ERI3: variants seen among roughly 807,000 people sequenced by gnomAD.
ERI3 encodes the protein ERI1 exoribonuclease 3.
ERI3 carries 18 observed loss-of-function variants against 44.4 expected under a neutral mutation model. That is an observed-to-expected ratio of 0.41 (90% CI 0.28 to 0.60). ERI3 has a LOEUF of 0.60. Ranked by LOEUF, ERI3 falls within the 20% of genes least tolerant of loss-of-function variation. The pLI is 0.36. For missense variants in ERI3, 294 were observed against 435.5 expected (o/e 0.68, Z 2.89); for synonymous variants, 183 against 164.8 (o/e 1.11, Z -0.84).
intron 8 of ERI3, among the ~76,000 whole-genome samples, chr1:44,227,470 C>A (rs567479122): frequency 1.3e-5 from 2 of 152,160 alleles, no homozygotes; most frequent in Admixed American, 6.5e-5. Flanking sequence ...GCCCTGAGAG[C>A]AAAGTGCCAG....
At chr1:44,312,966 G>C (rs957064029) in intron 5 of ERI3, among the ~76,000 whole-genome samples, 1 of 152,224 alleles carries the variant, frequency 6.6e-6, no homozygotes, top group Non-Finnish European at 1.5e-5. Context: ...GGGACATCTT[G>C]TCAGAAACCC....
intron 5 of ERI3, among the ~76,000 whole-genome samples, chr1:44,310,821 A>C (rs751932371): frequency 1.6e-4 from 25 of 151,938 alleles, no homozygotes; most frequent in Non-Finnish European, 2.9e-4. Context: ...GTGGTCTCTA[A>C]ACCCTCTTTA....
At chr1:44,268,908 A>G (rs1304736274) in intron 7 of ERI3, among the ~76,000 whole-genome samples, 1 of 152,212 alleles carries the variant, frequency 6.6e-6, no homozygotes, top group Non-Finnish European at 1.5e-5. Flanking sequence ...TGAAGCCCAA[A>G]GCCTAAAAGC....
chr1:44,307,385 C>G (rs138956536), intron 6 of ERI3, among the ~76,000 whole-genome samples: 213 of 152,202 alleles, frequency 1.4e-3, no homozygotes, highest in African/African-American at 4.8e-3. Flanking sequence ...AGCAACATCC[C>G]ACTTTATGCT....
intron 8 of ERI3, among the ~76,000 whole-genome samples, chr1:44,234,728 A>T (rs531921429): frequency 1.9e-4 from 29 of 152,230 alleles, no homozygotes; most frequent in African/African-American, 6.7e-4. Context: ...AAGAACATTA[A>T]TGGAAACACT....
At chr1:44,313,493 C>T (rs757120874) in intron 4 of ERI3, among the ~76,000 whole-genome samples, 54 of 152,200 alleles carry the variant, frequency 3.5e-4, no homozygotes, top group Admixed American at 2.6e-4. Context: ...ACACCTGTTT[C>T]CACAAGGCAT....
At chr1:44,342,158 G>A in intron 2 of ERI3, among the ~76,000 whole-genome samples, 1 of 152,102 alleles carries the variant, frequency 6.6e-6, no homozygotes, top group East Asian at 1.9e-4. Context: ...AGAGGTCTGG[G>A]GGACACTGTC....
intron 7 of ERI3, among the ~76,000 whole-genome samples, chr1:44,264,676 TGGCAGTACAAGGAAGGGGG>T (rs1222832483): frequency 6.6e-6 from 1 of 152,116 alleles, no homozygotes; most frequent in Non-Finnish European, 1.5e-5. Context: ...CAAGGAGTGG[TGGCAGTACAAGGAAGGGGG>T]GGCAGCCACC....
chr1:44,329,303 C>T (rs577958167), intron 3 of ERI3, among the ~76,000 whole-genome samples: 24 of 152,304 alleles, frequency 1.6e-4, no homozygotes, highest in Middle Eastern at 3.4e-3. Context: ...AAGGCACCTA[C>T]TTGGGGACTC....
At chr1:44,310,361 T>C (rs1645927965) in intron 5 of ERI3, among the ~76,000 whole-genome samples, 1 of 152,196 alleles carries the variant, frequency 6.6e-6, no homozygotes, top group South Asian at 2.1e-4. Flanking sequence ...ATTATCTGTT[T>C]AATGTCTGCC....
At chr1:44,234,757 C>T (rs1644265725) in intron 8 of ERI3, among the ~76,000 whole-genome samples, 1 of 151,938 alleles carries the variant, frequency 6.6e-6, no homozygotes. Context: ...TAAAATAAGG[C>T]TTTTGAGACA....
intron 8 of ERI3, among the ~76,000 whole-genome samples, chr1:44,233,119 A>C (rs1644224374): frequency 6.6e-6 from 1 of 152,212 alleles, no homozygotes; most frequent in Non-Finnish European, 1.5e-5. Context: ...AGTGCCACTT[A>C]CAAAATCAGA....
intron 7 of ERI3, among the ~76,000 whole-genome samples, chr1:44,251,597 A>G (rs145862164): frequency 0.014 from 2,133 of 152,254 alleles, 49 homozygotes; most frequent in African/African-American, 0.048. Context: ...GAGGCTAGGA[A>G]AGCTTCCTGG....
intron 4 of ERI3, among the ~76,000 whole-genome samples, chr1:44,317,213 G>C (rs941532378): frequency 6.6e-6 from 1 of 152,128 alleles, no homozygotes; most frequent in African/African-American, 2.4e-5. Context: ...TCCTGCCAGA[G>C]GAACTACTTA....
Position 44,235,385 on chromosome 1 carries a change from C to T in ERI3, c.931+12554G>A, listed in dbSNP as rs893465698. Among the ~76,000 whole-genome samples the T allele has an allele frequency of 3.9e-5, 6 of 152,192 alleles. No homozygotes were observed. The highest frequency in any genetic ancestry group is 5.9e-5 in the Non-Finnish European group (4 of 68,032). ...GTGCTTCCTCTAGGTGCCTTCCCCC[C>T]ATCCCGCCTTTGTGTTAGGAACCTC... is the stretch of plus-strand genomic sequence containing the variant. On this transcript the variant is annotated intron_variant, in intron 8 of 8. Transcript: ENST00000372257. This position sits in a 1 kb window ranked among gnomAD's most constrained non-coding sequence, Gnocchi z 4.6.
Position 44,325,851 on chromosome 1 carries a change from G to A in ERI3, c.490-6107C>T, listed in dbSNP as rs553081910. On this transcript the variant is annotated intron_variant, in intron 3 of 8. Coordinates refer to ENST00000372257, the MANE Select transcript of ERI3 (RefSeq NM_024066.3). ...TTTACTAAAGACAGGGTTTTGCCACGTTGGCCAGGTGGGTCTCAAACTCCT... is the reference window on the plus strand; with the variant it reads ...TTTACTAAAGACAGGGTTTTGCCACATTGGCCAGGTGGGTCTCAAACTCCT... Among the ~76,000 whole-genome samples, 17 of 151,982 alleles carry A rather than the reference G, an allele frequency of 1.1e-4. 2 individuals carry two copies. The highest frequency in any genetic ancestry group is 3.6e-4 in the African/African-American group (15 of 41,474).
chr1:44,271,686 T>C (rs1323446499), intron 7 of ERI3, among the ~76,000 whole-genome samples: 1 of 152,224 alleles, frequency 6.6e-6, no homozygotes, highest in Non-Finnish European at 1.5e-5. Flanking sequence ...CCTGGTTTTA[T>C]TATTACTATT....
At chr1:44,258,408 C>G (rs529854532) in intron 7 of ERI3, among the ~76,000 whole-genome samples, 2 of 152,210 alleles carry the variant, frequency 1.3e-5, no homozygotes. Context: ...ACAGCATACA[C>G]GCCTTCACTT....
chr1:44,250,010 G>A (rs1211324276), intron 7 of ERI3, among the ~76,000 whole-genome samples: 3 of 152,196 alleles, frequency 2.0e-5, no homozygotes, highest in Non-Finnish European at 4.4e-5. Context: ...GAAGGATAAT[G>A]TGTGTTTACT....
Sources: gnomAD v4.1 joint callset for allele counts (sites outside exome capture counted in the v4.1 genomes callset) on GRCh38, gnomAD v4.1.1 for gene constraint, Gnocchi (gnomAD v3.1) non-coding constraint, MANE v1.5 for transcripts, NCBI Gene and HGNC (gene_info 2026-07-23, HGNC 2026-07-21) for gene names.